ATP10B: variants seen among roughly 807,000 people sequenced by gnomAD.
The protein encoded by ATP10B is phospholipid-transporting ATPase VB.
A neutral mutation model predicts 141.2 loss-of-function variants in ATP10B; 122 were observed. The observed-to-expected ratio is 0.86, with a 90% CI of 0.75 to 1.00. ATP10B has a LOEUF of 1.00. Among genes scored for constraint, ATP10B ranks in the 50% least tolerant of loss-of-function variants. The pLI is 0.00. For synonymous variants in ATP10B, 685 were observed against 692.0 expected (o/e 0.99, Z 0.16); for missense variants, 1,876 against 1,825.3 (o/e 1.03, Z -0.51).
intron 21 of ATP10B, among the ~76,000 whole-genome samples, chr5:160,602,034 A>C (rs1474470990): frequency 1.3e-5 from 2 of 152,192 alleles, no homozygotes; most frequent in African/African-American, 4.8e-5. Context: ...TACAGTTCAG[A>C]CTAGCTCTTC....
At chr5:160,604,965 T>C (rs987661984) in intron 19 of ATP10B, among the ~76,000 whole-genome samples, 4 of 152,246 alleles carry the variant, frequency 2.6e-5, no homozygotes, top group African/African-American at 4.8e-5. Flanking sequence ...GTAAATATTT[T>C]AGGCTTTGTG....
chr5:160,623,090 T>C (rs1257702280), intron 13 of ATP10B, among the ~76,000 whole-genome samples: 1 of 152,240 alleles, frequency 6.6e-6, no homozygotes, highest in Non-Finnish European at 1.5e-5. Flanking sequence ...CCCATGCTTC[T>C]CAACATGGAC....
intron 1 of ATP10B, among the ~76,000 whole-genome samples, chr5:160,810,163 T>G (rs72820518): frequency 6.6e-6 from 1 of 152,002 alleles, no homozygotes; most frequent in Admixed American, 6.6e-5. Context: ...GTTCATTAGT[T>G]TGTTTTTTAA....
chr5:160,592,357 C>G (rs979565377), intron 22 of ATP10B, among the ~76,000 whole-genome samples: 1 of 152,272 alleles, frequency 6.6e-6, no homozygotes, highest in East Asian at 1.9e-4. Context: ...GTATAGGATC[C>G]TTCTGCATGG....
At chr5:160,793,535 C>T (rs1419102808) in intron 1 of ATP10B, among the ~76,000 whole-genome samples, 3 of 152,150 alleles carry the variant, frequency 2.0e-5, no homozygotes, top group African/African-American at 4.8e-5. Flanking sequence ...ATCGTGTATG[C>T]GATGGTAGTC....
intron 7 of ATP10B, among the ~76,000 whole-genome samples, chr5:160,669,592 G>A (rs1762539035): frequency 6.8e-6 from 1 of 147,984 alleles, no homozygotes; most frequent in South Asian, 2.1e-4. Context: ...GTGACAGACT[G>A]AGAGCCAGTC....
chr5:160,653,472 C>T (rs189804239), intron 7 of ATP10B, among the ~76,000 whole-genome samples: 1,047 of 62,962 alleles, frequency 0.017, 228 homozygotes, highest in African/African-American at 0.054. Context: ...TATGTACATA[C>T]ATACATAGGT....
chr5:160,769,680 C>A (rs549832237), intron 2 of ATP10B, among the ~76,000 whole-genome samples: 1 of 152,320 alleles, frequency 6.6e-6, no homozygotes, highest in South Asian at 2.1e-4. Flanking sequence ...AATTCACCTC[C>A]TGAGGACCAC....
At chr5:160,802,828 G>A (rs1772476482) in intron 1 of ATP10B, among the ~76,000 whole-genome samples, 1 of 152,174 alleles carries the variant, frequency 6.6e-6, no homozygotes, top group South Asian at 2.1e-4. Context: ...GGATGCTTTT[G>A]TCTGGCTTCT....
At chr5:160,881,074 A>G in the ATP10B span, among the ~76,000 whole-genome samples, 1 of 152,362 alleles carries the variant, frequency 6.6e-6, no homozygotes, top group East Asian at 1.9e-4. Context: ...TATACATAGA[A>G]TTCTTAAAAA....
At chr5:160,810,401 C>CT (rs11385357) in intron 1 of ATP10B, among the ~76,000 whole-genome samples, 50,698 of 151,788 alleles carry the variant, frequency 0.33, 9,654 homozygotes, top group East Asian at 0.45. Flanking sequence ...AAAAAGTTAT[C>CT]TTTTTATCAT....
intron 8 of ATP10B, among the ~76,000 whole-genome samples, chr5:160,646,465 T>A (rs570104647): frequency 6.6e-6 from 1 of 152,202 alleles, no homozygotes; most frequent in Non-Finnish European, 1.5e-5. Context: ...TAGGGCCCAG[T>A]GATATAAATT....
intron 15 of ATP10B, 71 bp from the exon 16 acceptor site, chr5:160,618,044 G>T: frequency 8.3e-7 from 1 of 1,202,218 alleles, no homozygotes; most frequent in East Asian, 2.3e-5. Context: ...CAATACCCTG[G>T]AATCTCCTGT....
intron 6 of ATP10B, among the ~76,000 whole-genome samples, chr5:160,678,927 C>T (rs1763207498): frequency 6.6e-6 from 1 of 152,226 alleles, no homozygotes; most frequent in African/African-American, 2.4e-5. Flanking sequence ...CACCCTGTGG[C>T]ATTGCATCCT....
In ATP10B at chr5:160,602,739, T is replaced by C. The variant is rs10475685; in HGVS notation, c.3238-37A>G. On this transcript the variant is annotated intron_variant, in intron 20 of 25. Transcript: ENST00000327245. ...GAACAGACACATCAGCTTCCATCCATGGCTGCCAGTGCCCCAGAGGGACTC... is the reference window on the plus strand; with the variant it reads ...GAACAGACACATCAGCTTCCATCCACGGCTGCCAGTGCCCCAGAGGGACTC... 2.9e-4 allele frequency: 460 copies of C among 1,612,042 alleles called. No individual in the cohort carries two copies. In the African/African-American group the frequency reaches 5.5e-3, roughly 19 times the overall value.
intron 2 of ATP10B, among the ~76,000 whole-genome samples, chr5:160,734,526 A>G (rs1405090038): frequency 6.6e-6 from 1 of 152,080 alleles, no homozygotes; most frequent in Non-Finnish European, 1.5e-5. Flanking sequence ...AGACTATTAA[A>G]AGTTAAGAGT....
chr5:160,858,421 T>A, the ATP10B span, among the ~76,000 whole-genome samples: 1 of 151,974 alleles, frequency 6.6e-6, no homozygotes, highest in Non-Finnish European at 1.5e-5. Flanking sequence ...ACTTTGTCTA[T>A]CTTTTTTTTA....
chr5:160,704,378 A>T (rs1283615736), intron 3 of ATP10B, among the ~76,000 whole-genome samples: 4 of 152,180 alleles, frequency 2.6e-5, no homozygotes, highest in African/African-American at 4.8e-5. Context: ...TTTTGAAAAA[A>T]TTTTTTTATT....
intron 2 of ATP10B, among the ~76,000 whole-genome samples, chr5:160,767,146 T>C (rs1448371955): frequency 6.6e-6 from 1 of 152,198 alleles, no homozygotes; most frequent in Non-Finnish European, 1.5e-5. Flanking sequence ...AATCCCATAG[T>C]GTTTTAAGAA....
Sources: allele counts gnomAD v4.1 joint callset (sites outside exome capture counted in the v4.1 genomes callset), GRCh38; gene constraint gnomAD v4.1.1; transcripts MANE v1.5; gene names NCBI Gene and HGNC (gene_info 2026-07-23, HGNC 2026-07-21).